TCF7L1: variants seen among roughly 807,000 people sequenced by gnomAD.
TCF7L1 encodes transcription factor 7-like 1.
In TCF7L1, 18 loss-of-function variants were observed where a neutral mutation model predicts 63.7. That is an observed-to-expected ratio of 0.28 (90% CI 0.20 to 0.42). The LOEUF is 0.42. Among genes scored for constraint, TCF7L1 ranks in the 10% least tolerant of loss-of-function variants. The pLI is 1.00. For missense variants in TCF7L1, 654 were observed against 779.3 expected (o/e 0.84, Z 1.91); for synonymous variants, 355 against 340.9 (o/e 1.04, Z -0.46).
At chr2:85,167,934 G>A (rs1200050135) in intron 3 of TCF7L1, among the ~76,000 whole-genome samples, 1 of 152,150 alleles carries the variant, frequency 6.6e-6, no homozygotes, top group East Asian at 1.9e-4. Flanking sequence ...AGGACATCAT[G>A]CTAAGTGAAA....
At chr2:85,303,263 C>T (rs1415278766) in intron 5 of TCF7L1, 3 of 152,370 alleles carry the variant, frequency 2.0e-5, no homozygotes, top group Non-Finnish European at 4.4e-5. Context: ...TCTCAAACTC[C>T]TGGACTCAAG....
rs1021182180 is a variant in TCF7L1, at chr2:85,133,735, A to G, written c.51A>G (p.Gly17=). The change falls in exon 1 of 12, where the codon GGA becomes GGG. Residue 17 remains glycine (G), a synonymous_variant. Transcript: ENST00000282111. The surrounding 1 kb of genome is among the most constrained non-coding windows in gnomAD (Gnocchi z 4.4). ...GCGGCGGCGGCGGCGGCAGCGGGGGAGGCGGCGGCTCCAGCGCCGGGGCGG... is the reference window on the plus strand; with the variant it reads ...GCGGCGGCGGCGGCGGCAGCGGGGGGGGCGGCGGCTCCAGCGCCGGGGCGG... The part of the protein sequence containing the change: ...GGGGGGGGSG[G]GGGSSAGAAG... The G allele has an allele frequency of 1.7e-6, 2 of 1,211,272 alleles. No homozygotes were observed. The highest frequency in any genetic ancestry group is 4.4e-5 in the Admixed American group (1 of 22,722). 75.0% of individuals were successfully genotyped at this position (1,211,272 alleles called of 1,614,324 possible). A position where few individuals can be genotyped will look rare whatever the true frequency, so the allele number is the denominator to read the frequency against.
chr2:85,233,645 A>G (rs771211823), intron 3 of TCF7L1, among the ~76,000 whole-genome samples: 1 of 152,150 alleles, frequency 6.6e-6, no homozygotes, highest in African/African-American at 2.4e-5. Flanking sequence ...TATAAAATTA[A>G]CTTTTGGGGT....
chr2:85,172,722 G>A lies in TCF7L1; in HGVS notation c.441+38272G>A, dbSNP rs190459953. Among the ~76,000 whole-genome samples, 36 of 152,166 alleles carry A rather than the reference G, an allele frequency of 2.4e-4. No individual in the cohort carries two copies. In the East Asian group the frequency reaches 3.1e-3, roughly 13 times the overall value. ...TTTATAGGCGTGAGCCACCGCGCCCGGCCACCTAGAACATTCTTTATCCTT... is the reference window on the plus strand; with the variant it reads ...TTTATAGGCGTGAGCCACCGCGCCCAGCCACCTAGAACATTCTTTATCCTT... On this transcript the variant is annotated intron_variant, in intron 3 of 11. Coordinates refer to ENST00000282111, the MANE Select transcript of TCF7L1 (RefSeq NM_031283.3).
chr2:85,151,826 G>A (rs551685757), intron 3 of TCF7L1, among the ~76,000 whole-genome samples: 35 of 152,294 alleles, frequency 2.3e-4, no homozygotes, highest in Middle Eastern at 3.4e-3. Context: ...GGCCCACCGA[G>A]CTGGAAAGAT....
intron 3 of TCF7L1, among the ~76,000 whole-genome samples, chr2:85,252,886 A>G (rs1680628282): frequency 6.6e-6 from 1 of 152,200 alleles, no homozygotes; most frequent in African/African-American, 2.4e-5. Context: ...AAGGAAACAG[A>G]ATGGCTTTCT....
At position 85,309,465 on chromosome 2, in the gene TCF7L1, T is replaced by TC. The variant is rs145060860; in HGVS notation, c.*9dup. On this transcript the variant is annotated 3_prime_UTR_variant, in exon 12 of 12. Coordinates refer to ENST00000282111, the MANE Select transcript of TCF7L1 (RefSeq NM_031283.3). ...TGGTCACCAAGTCTGCCCACTAAGCTCCCCCCGACCCCTGCAGGCTGTCAC... is the reference window on the plus strand; with the variant it reads ...TGGTCACCAAGTCTGCCCACTAAGCTCCCCCCCGACCCCTGCAGGCTGTCAC... 6,212 of 1,515,552 alleles carry TC rather than the reference T, an allele frequency of 4.1e-3. 207 individuals carry two copies. The African/African-American group carries it at 0.077, about 19-fold the overall frequency. 93.9% of individuals were successfully genotyped at this position (1,515,552 alleles called of 1,614,324 possible).
chr2:85,226,689 G>A (rs1679959262), intron 3 of TCF7L1, among the ~76,000 whole-genome samples: 1 of 152,046 alleles, frequency 6.6e-6, no homozygotes, highest in Non-Finnish European at 1.5e-5. Flanking sequence ...TAGGTCCTAT[G>A]TATTCTCTAA....
At chr2:85,201,579 A>G (rs527778515) in intron 3 of TCF7L1, among the ~76,000 whole-genome samples, 5 of 152,326 alleles carry the variant, frequency 3.3e-5, no homozygotes, top group African/African-American at 9.6e-5. Context: ...TGGATCTACA[A>G]AGTTCAAACC....
intron 3 of TCF7L1, among the ~76,000 whole-genome samples, chr2:85,168,192 AAC>A (rs55736939): frequency 0.022 from 3,192 of 145,200 alleles, 41 homozygotes; most frequent in Middle Eastern, 0.038. Flanking sequence ...GTTCTTACCA[AAC>A]ACACACACAC....
intron 3 of TCF7L1, among the ~76,000 whole-genome samples, chr2:85,163,328 T>G (rs1678332362): frequency 6.6e-6 from 1 of 152,082 alleles, no homozygotes; most frequent in African/African-American, 2.4e-5. Context: ...CCCTGCCTAG[T>G]GAGGTATTGG....
rs1682213900 is a variant in TCF7L1, at chr2:85,309,182, A to G, written c.1487A>G (p.His496Arg). 6.2e-7 allele frequency: 1 copy of G among 1,613,120 alleles called. No homozygotes were observed. Among genetic ancestry groups the G allele is most frequent in the Admixed American group, 1.7e-5 (1 of 59,882 alleles). ...TCACCAGCTGCCCCTGCTGCCACCC[A>G]TTCGGAGCAAGCCCAGCCCCTCTCC... ...LASPAAPAAT[H>R]SEQAQPLSLT... The change falls in exon 12 of 12, where the codon CAT becomes CGT. Residue 496 changes from histidine to arginine, a missense_variant. Physicochemically the swap from His to Arg is conservative, Grantham distance 29. Coordinates refer to ENST00000282111, the MANE Select transcript of TCF7L1 (RefSeq NM_031283.3).
At chr2:85,152,615 A>G (rs1301482310) in intron 3 of TCF7L1, among the ~76,000 whole-genome samples, 1 of 151,390 alleles carries the variant, frequency 6.6e-6, no homozygotes, top group Non-Finnish European at 1.5e-5. Flanking sequence ...TCGTAGTTTT[A>G]GTAGAGACAG....
chr2:85,288,677 C>T (rs183110547), intron 4 of TCF7L1, among the ~76,000 whole-genome samples: 8 of 152,208 alleles, frequency 5.3e-5, no homozygotes, highest in South Asian at 2.1e-4. Context: ...GGCCCGGGTG[C>T]GGGATGAAGT....
chr2:85,281,092 C>T (rs1270751175), intron 3 of TCF7L1, among the ~76,000 whole-genome samples: 7 of 144,870 alleles, frequency 4.8e-5, no homozygotes, highest in Non-Finnish European at 9.0e-5. Flanking sequence ...GGTGTGATCT[C>T]GGTTCACTGC....
At chr2:85,172,803 C>T (rs1237750851) in intron 3 of TCF7L1, among the ~76,000 whole-genome samples, 3 of 152,152 alleles carry the variant, frequency 2.0e-5, no homozygotes, top group African/African-American at 7.2e-5. Flanking sequence ...ACCGTCACCT[C>T]CTCAGTGAGG....
At chr2:85,201,015 A>G (rs1211767312) in intron 3 of TCF7L1, among the ~76,000 whole-genome samples, 1 of 152,190 alleles carries the variant, frequency 6.6e-6, no homozygotes, top group Non-Finnish European at 1.5e-5. Flanking sequence ...AGCCTGGCCA[A>G]CATGGTGAAA....
rs1682152038 is a variant in TCF7L1 at position 85,307,777 on chromosome 2, C to T, written c.1333+60C>T. ...TTCCTTTTGTCACAGCCACACCTGC[C>T]CATGCTGTCTCTAGCTCCCTGATGG... On this transcript the variant is annotated intron_variant, in intron 11 of 11. Transcript: ENST00000282111. 18 of 1,476,402 alleles carry T rather than the reference C, an allele frequency of 1.2e-5. No homozygotes were observed. The South Asian group carries it at 1.7e-4, about 14-fold the overall frequency. 91.5% of individuals were successfully genotyped at this position (1,476,402 alleles called of 1,614,324 possible).
chr2:85,217,494 G>A (rs1679735755), intron 3 of TCF7L1, among the ~76,000 whole-genome samples: 1 of 152,200 alleles, frequency 6.6e-6, no homozygotes, highest in Non-Finnish European at 1.5e-5. Flanking sequence ...CTGTGTCCCA[G>A]CTTCTTCCCA....
Sources: gnomAD v4.1 joint callset for allele counts (sites outside exome capture counted in the v4.1 genomes callset) on GRCh38, gnomAD v4.1.1 for gene constraint, Gnocchi (gnomAD v3.1) non-coding constraint, MANE v1.5 for transcripts, NCBI Gene and HGNC (gene_info 2026-07-23, HGNC 2026-07-21) for gene names.